The following FGD4 variants were observed in gnomAD, a reference collection of about 807,000 sequenced individuals.
FGD4 encodes FYVE, RhoGEF and PH domain containing 4.
A neutral mutation model predicts 102.0 loss-of-function variants in FGD4; 42 were observed. The ratio of observed to expected loss-of-function variants is 0.41; its 90% CI spans 0.32 to 0.53. The LOEUF is 0.53. FGD4 is among the 20% of genes least tolerant of loss of function. FGD4 has a pLI of 0.21. For synonymous variants in FGD4, 380 were observed against 375.7 expected, an observed-to-expected ratio of 1.01 and a Z score of -0.13; for missense variants, 902 against 1,078.2, an observed-to-expected ratio of 0.84 and a Z score of 2.29.
At chr12:32,483,901 C>T (rs1392338396) in intron 1 of FGD4, among the ~76,000 whole-genome samples, 1 of 152,070 alleles carries the variant, frequency 6.6e-6, no homozygotes, top group Non-Finnish European at 1.5e-5. Context: ...ATTACTATAC[C>T]TTTCACTTCA....
chr12:32,477,290 A>G (rs1410537235), intron 1 of FGD4: 4 of 152,158 alleles, frequency 2.6e-5, no homozygotes, highest in African/African-American at 9.7e-5. Context: ...TCCGTCTCAA[A>G]AAAAAAAAAA....
intron 1 of FGD4, among the ~76,000 whole-genome samples, chr12:32,468,676 A>T (rs965241850): frequency 1.3e-5 from 2 of 152,178 alleles, no homozygotes; most frequent in Non-Finnish European, 2.9e-5. Context: ...CAGGAGGTTG[A>T]GGCTGCAGTG....
chr12:32,442,045 T>G (rs1167628539), intron 1 of FGD4, among the ~76,000 whole-genome samples: 20 of 22,244 alleles, frequency 9.0e-4, no homozygotes, highest in Admixed American at 4.4e-3. Flanking sequence ...GTTGTTGTGT[T>G]TTTTTTTTTT....
intron 2 of FGD4, among the ~76,000 whole-genome samples, chr12:32,568,699 G>A (rs540073109): frequency 1.3e-5 from 2 of 152,054 alleles, no homozygotes; most frequent in Non-Finnish European, 2.9e-5. Flanking sequence ...CTATTCATTT[G>A]CTTCTAAAGT....
chr12:32,624,072 C>A (rs994014905), intron 11 of FGD4, among the ~76,000 whole-genome samples: 1 of 152,142 alleles, frequency 6.6e-6, no homozygotes, highest in Non-Finnish European at 1.5e-5. Flanking sequence ...TAGTAGCCTT[C>A]ATGTGTTTTA....
intron 1 of FGD4, chr12:32,534,169 A>T: frequency 2.8e-6 from 1 of 360,054 alleles, no homozygotes; most frequent in Non-Finnish European, 3.9e-6. Flanking sequence ...CATGTGCCTC[A>T]GTTGTTTACT....
chr12:32,497,029 A>G (rs2136602509), intron 1 of FGD4, among the ~76,000 whole-genome samples: 1 of 151,994 alleles, frequency 6.6e-6, no homozygotes, highest in African/African-American at 2.4e-5. Flanking sequence ...GATCTGGGTG[A>G]GTTTTTTGAT....
intron 1 of FGD4, among the ~76,000 whole-genome samples, chr12:32,465,283 A>G (rs1336657304): frequency 1.3e-5 from 2 of 151,950 alleles, no homozygotes; most frequent in African/African-American, 2.4e-5. Context: ...TATATATAAT[A>G]TACTGTTTTC....
At chr12:32,402,010 C>T (rs371337778) in intron 1 of FGD4, among the ~76,000 whole-genome samples, 5 of 150,826 alleles carry the variant, frequency 3.3e-5, no homozygotes, top group East Asian at 3.9e-4. Flanking sequence ...TCACGCCATT[C>T]TCCTGCCTCA....
At chr12:32,412,669 C>A (rs1941252943) in intron 1 of FGD4, among the ~76,000 whole-genome samples, 1 of 151,996 alleles carries the variant, frequency 6.6e-6, no homozygotes, top group Non-Finnish European at 1.5e-5. Flanking sequence ...AGTGCATTGG[C>A]GCGATGTCAG....
chr12:32,552,395 G>A (rs1592191694), intron 1 of FGD4, among the ~76,000 whole-genome samples: 1 of 150,644 alleles, frequency 6.6e-6, no homozygotes, highest in Non-Finnish European at 1.5e-5. Context: ...GAGTAGCTGG[G>A]ATTACAGGCG....
chr12:32,642,087 A>G lies in FGD4; in HGVS notation c.*1554A>G, dbSNP rs557400551. 22 of 152,130 alleles carry G rather than the reference A, an allele frequency of 1.4e-4. No homozygotes were observed. Among genetic ancestry groups the G allele is most frequent in the African/African-American group, 5.1e-4 (21 of 41,456 alleles). The allele number at this position is 152,130 out of a possible 1,614,324, so 9.4% of individuals were successfully genotyped here. A position where few individuals can be genotyped will look rare whatever the true frequency, so the allele number is the denominator to read the frequency against. ...TTCAGGCCTTGTTACTTTAAGAAATATCTTATTTTTTCCACCCCAAAGGAG... is the reference window on the plus strand; with the variant it reads ...TTCAGGCCTTGTTACTTTAAGAAATGTCTTATTTTTTCCACCCCAAAGGAG... On this transcript the variant is annotated 3_prime_UTR_variant, in exon 17 of 17. Coordinates refer to ENST00000534526, the MANE Select transcript of FGD4 (RefSeq NM_001370298.3).
chr12:32,483,070 G>C (rs1370401406), intron 1 of FGD4, among the ~76,000 whole-genome samples: 1 of 152,126 alleles, frequency 6.6e-6, no homozygotes, highest in Non-Finnish European at 1.5e-5. Flanking sequence ...AATATAAATA[G>C]CTTAGTGTAT....
At chr12:32,425,334 T>C (rs1013113465) in intron 1 of FGD4, among the ~76,000 whole-genome samples, 1 of 152,206 alleles carries the variant, frequency 6.6e-6, no homozygotes, top group African/African-American at 2.4e-5. Flanking sequence ...TAGGGAATCC[T>C]TTCCCCATTG....
At chr12:32,588,081 A>C (rs1415675419) in intron 4 of FGD4, among the ~76,000 whole-genome samples, 1 of 152,202 alleles carries the variant, frequency 6.6e-6, no homozygotes, top group African/African-American at 2.4e-5. Context: ...TTGGAACCAC[A>C]GGGATGGAGG....
At chr12:32,463,858 CAGA>C (rs1943177221) in intron 1 of FGD4, among the ~76,000 whole-genome samples, 1 of 152,114 alleles carries the variant, frequency 6.6e-6, no homozygotes. Flanking sequence ...TAAAAAATGG[CAGA>C]AGAAGATTTA....
intron 7 of FGD4, among the ~76,000 whole-genome samples, chr12:32,606,523 C>G (rs763725059): frequency 2.0e-5 from 3 of 147,952 alleles, no homozygotes; most frequent in South Asian, 2.1e-4. Context: ...CTTCATGCTT[C>G]ATTACTGTGG....
intron 1 of FGD4, among the ~76,000 whole-genome samples, chr12:32,488,784 C>A (rs1943995594): frequency 3.9e-5 from 6 of 151,988 alleles, no homozygotes; most frequent in Admixed American, 3.3e-4. Flanking sequence ...ACTAAAAATA[C>A]AAAAATTAGC....
chr12:32,604,936 C>CTTTTTTTTTTTTT lies in FGD4; in HGVS notation c.1404+2626_1404+2638dup, dbSNP rs575943561. ...TCAATTTTATCTAGCTTTATAGCTG[C>CTTTTTTTTTTTTT]TTTTTTTTTTTTTTTTTTTGGAGTT... On this transcript the variant is annotated intron_variant, in intron 7 of 16. Transcript: ENST00000534526. Among the ~76,000 whole-genome samples the CTTTTTTTTTTTTT allele has an allele frequency of 7.3e-4, 69 of 94,520 alleles. 9 individuals carry two copies. The highest frequency in any genetic ancestry group is 2.8e-3 in the African/African-American group (57 of 20,024). The allele number at this position is 94,520 out of a possible 152,430, so 62.0% of individuals were successfully genotyped here. A position where few individuals can be genotyped will look rare whatever the true frequency, so the allele number is the denominator to read the frequency against.
Sources: allele counts gnomAD v4.1 joint callset (sites outside exome capture counted in the v4.1 genomes callset), GRCh38; gene constraint gnomAD v4.1.1; transcripts MANE v1.5; gene names NCBI Gene and HGNC (gene_info 2026-07-23, HGNC 2026-07-21).